Variants in PLAC1 observed in about 807,000 individuals in gnomAD.
PLAC1 encodes the protein placenta associated 1, also known as placenta-specific protein 1.
For missense variants in PLAC1, 136 were observed against 163.2 expected (o/e 0.83, Z 0.91); for synonymous variants, 68 against 62.1 (o/e 1.09, Z -0.44).
chrX:134,696,327 G>A (rs2078563016), intron 2 of PLAC1, among the ~76,000 whole-genome samples: 1 of 111,458 alleles, frequency 9.0e-6, no homozygotes, highest in African/African-American at 3.3e-5. Context: ...TTCTGTTGAT[G>A]GGGAGTGGGT....
chrX:134,593,783 G>T (rs1373356818), intron 2 of PLAC1, among the ~76,000 whole-genome samples: 2 of 111,337 alleles, frequency 1.8e-5, no homozygotes, highest in African/African-American at 6.5e-5. Flanking sequence ...TCATTTATTT[G>T]TTTTAGGAGT....
At chrX:134,747,251 T>C (rs1434723226) in intron 1 of PLAC1, among the ~76,000 whole-genome samples, 3 of 110,623 alleles carry the variant, frequency 2.7e-5, no homozygotes, top group African/African-American at 9.9e-5. Context: ...GCAGCCTGTT[T>C]AGTTGCTTGT....
intron 2 of PLAC1, among the ~76,000 whole-genome samples, chrX:134,670,589 C>T (rs1427481856): frequency 1.8e-5 from 2 of 111,327 alleles, no homozygotes; most frequent in African/African-American, 6.5e-5. Context: ...TCACAAGCCA[C>T]TGGATCCCAG....
intron 2 of PLAC1, among the ~76,000 whole-genome samples, chrX:134,573,310 T>C (rs1345319014): frequency 8.9e-6 from 1 of 112,301 alleles, no homozygotes; most frequent in Non-Finnish European, 1.9e-5. Flanking sequence ...GTTTATGTTT[T>C]AACTTAACAA....
intron 1 of PLAC1, among the ~76,000 whole-genome samples, chrX:134,762,788 C>T (rs1282169990): frequency 2.2e-5 from 2 of 89,662 alleles, no homozygotes; most frequent in African/African-American, 8.4e-5. Flanking sequence ...TGCCACTGCA[C>T]TCCAGCCTGG....
intron 1 of PLAC1, among the ~76,000 whole-genome samples, chrX:134,648,386 A>T (rs2078345201): frequency 8.9e-6 from 1 of 112,222 alleles, no homozygotes; most frequent in African/African-American, 3.2e-5. Flanking sequence ...AATGCCTTTT[A>T]AAAAAACATT....
At chrX:134,611,227 T>C (rs1055843073) in intron 1 of PLAC1, among the ~76,000 whole-genome samples, 1 of 111,180 alleles carries the variant, frequency 9.0e-6, no homozygotes, top group African/African-American at 3.3e-5. Flanking sequence ...AATTATGTTA[T>C]TGAATACATC....
chrX:134,747,601 C>T (rs1347852404), intron 1 of PLAC1, among the ~76,000 whole-genome samples: 1 of 111,225 alleles, frequency 9.0e-6, no homozygotes, highest in Non-Finnish European at 1.9e-5. Flanking sequence ...TTAAAAGAGA[C>T]ATTATGGGAT....
chrX:134,728,021 C>T (rs1460433930), intron 2 of PLAC1, among the ~76,000 whole-genome samples: 3 of 111,720 alleles, frequency 2.7e-5, no homozygotes, highest in Admixed American at 9.5e-5. Flanking sequence ...TAAAGATGTT[C>T]AATGGCGGAT....
chrX:134,671,533 C>T (rs771447005), intron 2 of PLAC1, among the ~76,000 whole-genome samples: 2 of 110,145 alleles, frequency 1.8e-5, no homozygotes, highest in South Asian at 7.9e-4. Flanking sequence ...CCTCAGGAAA[C>T]GTACAGTCAT....
chrX:134,609,698 G>A (rs1602834379), intron 1 of PLAC1, among the ~76,000 whole-genome samples: 1 of 111,594 alleles, frequency 9.0e-6, no homozygotes, highest in Non-Finnish European at 1.9e-5. Context: ...CCTGGTGAAG[G>A]CCCTCTTCCT....
intron 2 of PLAC1, among the ~76,000 whole-genome samples, chrX:134,688,502 C>T (rs1281152276): frequency 1.8e-5 from 2 of 112,279 alleles, no homozygotes; most frequent in Non-Finnish European, 3.8e-5. Context: ...TATTGGGTGA[C>T]AAGGACACTA....
intron 2 of PLAC1, among the ~76,000 whole-genome samples, chrX:134,673,826 C>T (rs1254501211): frequency 4.4e-5 from 5 of 112,579 alleles, no homozygotes; most frequent in African/African-American, 6.5e-5. Flanking sequence ...AACAACCTGA[C>T]CTAGGTACTG....
chrX:134,567,170 C>T (rs1377467173), intron 2 of PLAC1, among the ~76,000 whole-genome samples: 2 of 112,418 alleles, frequency 1.8e-5, no homozygotes, highest in Non-Finnish European at 3.8e-5. Flanking sequence ...GAACCCTTCC[C>T]TATCGCTTTT....
chrX:134,614,293 C>T (rs2078168825), intron 1 of PLAC1, among the ~76,000 whole-genome samples: 1 of 111,329 alleles, frequency 9.0e-6, no homozygotes, highest in African/African-American at 3.3e-5. Context: ...TATATATATA[C>T]AGTAAAATAA....
intron 1 of PLAC1, among the ~76,000 whole-genome samples, chrX:134,743,348 C>T (rs1383831148): frequency 2.7e-5 from 3 of 111,662 alleles, no homozygotes; most frequent in Non-Finnish European, 1.9e-5. Flanking sequence ...GAACATGAGA[C>T]AATAGTTCAT....
chrX:134,603,317 T>A (rs866335538), intron 1 of PLAC1, among the ~76,000 whole-genome samples: 158 of 12,587 alleles, frequency 0.013, no homozygotes, highest in Non-Finnish European at 0.016. Flanking sequence ...ATATATATTT[T>A]TTTTTTTTTT....
intron 1 of PLAC1, among the ~76,000 whole-genome samples, chrX:134,653,786 A>T (rs2078375530): frequency 8.9e-6 from 1 of 112,010 alleles, no homozygotes; most frequent in African/African-American, 3.2e-5. Context: ...ATTCAAGTCC[A>T]TATCAGGAAT....
Position 134,583,994 on chromosome X carries a change from T to C in PLAC1, c.-58-17254A>G, listed in dbSNP as rs147725837. Among the ~76,000 whole-genome samples, 32 of 104,130 alleles carry C rather than the reference T, an allele frequency of 3.1e-4. 1 individual carries two copies. Among genetic ancestry groups the C allele is most frequent in the African/African-American group, 1.1e-3 (31 of 28,452 alleles). 90.4% of individuals were successfully genotyped at this position (104,130 alleles called of 115,157 possible). ...CTGAAATAGGTGTTTGGTAAATACTTGAGGAATGTATGTACAAGTGAATGA... is the reference window on the plus strand; with the variant it reads ...CTGAAATAGGTGTTTGGTAAATACTCGAGGAATGTATGTACAAGTGAATGA... On this transcript the variant is annotated intron_variant, in intron 2 of 2. Coordinates refer to ENST00000359237, the MANE Select transcript of PLAC1 (RefSeq NM_021796.4).
Sources: allele counts gnomAD v4.1 joint callset (sites outside exome capture counted in the v4.1 genomes callset), GRCh38; gene constraint gnomAD v4.1.1; transcripts MANE v1.5; gene names NCBI Gene and HGNC (gene_info 2026-07-23, HGNC 2026-07-21).